The following CMPK2 variants were observed in gnomAD, a reference collection of about 807,000 sequenced individuals.
The protein encoded by CMPK2 is cytidine/uridine monophosphate kinase 2, also known as UMP-CMP kinase 2, mitochondrial.
In CMPK2, 32 loss-of-function variants were observed where a neutral mutation model predicts 33.4. The ratio of observed to expected loss-of-function variants is 0.96; its 90% CI spans 0.72 to 1.29. The LOEUF is 1.29. CMPK2 is among the 50% of genes most tolerant of loss of function. CMPK2 has a pLI of 0.00. For missense variants in CMPK2, 672 were observed against 616.0 expected, an observed-to-expected ratio of 1.09 and a Z score of -0.96; for synonymous variants, 299 against 275.3, an observed-to-expected ratio of 1.09 and a Z score of -0.85.
At chr2:6,852,113 C>T (rs1437752401) in intron 3 of CMPK2, among the ~76,000 whole-genome samples, 1 of 152,194 alleles carries the variant, frequency 6.6e-6, no homozygotes. Context: ...ACTGTTTTCA[C>T]TTGAACTTGC....
At chr2:6,843,964 C>G (rs1184149148), downstream of CMPK2, among the ~76,000 whole-genome samples, 1 of 152,116 alleles carries the variant, frequency 6.6e-6, no homozygotes, top group Non-Finnish European at 1.5e-5. Flanking sequence ...GAAATTGAGC[C>G]CTAGGACCCA....
intron 3 of CMPK2, among the ~76,000 whole-genome samples, chr2:6,856,223 C>G (rs548131590): frequency 1.6e-4 from 25 of 152,310 alleles, no homozygotes; most frequent in African/African-American, 6.0e-4. Flanking sequence ...ATTTAGTTCA[C>G]AACAACACAG....
intron 3 of CMPK2, among the ~76,000 whole-genome samples, chr2:6,853,364 T>C (rs949735529): frequency 6.6e-6 from 1 of 152,172 alleles, no homozygotes; most frequent in East Asian, 1.9e-4. Flanking sequence ...AACTGTACAT[T>C]ATTCTGCCTG....
downstream of CMPK2, among the ~76,000 whole-genome samples, chr2:6,846,102 C>A (rs536237120): frequency 6.6e-6 from 1 of 152,292 alleles, no homozygotes; most frequent in South Asian, 2.1e-4. Context: ...TTCCTTTCCA[C>A]TAGGTGGCAT....
intron 3 of CMPK2, among the ~76,000 whole-genome samples, chr2:6,852,563 T>C (rs1369016396): frequency 6.6e-6 from 1 of 152,174 alleles, no homozygotes; most frequent in Non-Finnish European, 1.5e-5. Flanking sequence ...CTCAAAACCC[T>C]TTCTACGTGA....
rs1662640821 is a variant in CMPK2, at chr2:6,854,984, T to C, written c.993-3301A>G. 2.0e-5 allele frequency among the ~76,000 whole-genome samples: 3 copies of C among 152,020 alleles called. No homozygotes were observed. The South Asian group carries it at 6.2e-4, about 32-fold the overall frequency. ...ATAATGGACCTCGAAAGTCATACCC[T>C]ACTAGGAAAACCTTAGTCTTTCTCT... On this transcript the variant is annotated intron_variant, in intron 3 of 4. Transcript: ENST00000256722.
downstream of CMPK2, among the ~76,000 whole-genome samples, chr2:6,845,035 T>C (rs1662323513): frequency 6.6e-6 from 1 of 152,186 alleles, no homozygotes; most frequent in Non-Finnish European, 1.5e-5. Flanking sequence ...GTATCTTTTG[T>C]AGGCTTGTCT....
chr2:6,862,581 G>A (rs1662914578), intron 2 of CMPK2, among the ~76,000 whole-genome samples: 1 of 152,210 alleles, frequency 6.6e-6, no homozygotes, highest in Non-Finnish European at 1.5e-5. Context: ...GATTGATGGT[G>A]TTACAATTCC....
At chr2:6,842,920 G>C (rs918859770) in intron 3 of CMPK2, among the ~76,000 whole-genome samples, 1 of 152,182 alleles carries the variant, frequency 6.6e-6, no homozygotes, top group Non-Finnish European at 1.5e-5. Context: ...AAGTTTGACA[G>C]AGCTGAACTT....
Position 6,840,718 on chromosome 2 carries a change from C to G in CMPK2, c.993-40G>C. The G allele has an allele frequency of 4.3e-6, 3 of 700,948 alleles. No homozygotes were observed. In the South Asian group the frequency reaches 4.5e-5, roughly 10 times the overall value. The allele number at this position is 700,948 out of a possible 1,614,324, so 43.4% of individuals were successfully genotyped here. ...AGAGAGGAAAAATCCTTCACCAGTACCAAGTCTCCTTGGTAGAACAGAGGT... is the reference window on the plus strand; with the variant it reads ...AGAGAGGAAAAATCCTTCACCAGTAGCAAGTCTCCTTGGTAGAACAGAGGT... On this transcript the variant is annotated intron_variant, in intron 3 of 3. Transcript: ENST00000458098.
At position 6,849,670 on chromosome 2, in the gene CMPK2, G is replaced by A. The variant is rs7572304; in HGVS notation, c.*180C>T. The A allele has an allele frequency of 2.9e-3, 4,161 of 1,439,172 alleles. 127 individuals are homozygous for A. In the African/African-American group the frequency reaches 0.055, roughly 19 times the overall value. The allele number at this position is 1,439,172 out of a possible 1,614,324, so 89.2% of individuals were successfully genotyped here. On this transcript the variant is annotated 3_prime_UTR_variant, in exon 5 of 5. Transcript: ENST00000256722. ...TGATGAGAGGGACCTTTGTGATGAC[G>A]GGTCCATCAGTCAGAAGAGGGTACG...
chr2:6,866,363 T>A (rs1663090311), upstream of CMPK2: 1 of 881,974 alleles, frequency 1.1e-6, no homozygotes, highest in African/African-American at 1.8e-5. Context: ...TTCCCTCTCC[T>A]GTATCTTATC....
intron 3 of CMPK2, among the ~76,000 whole-genome samples, chr2:6,857,205 T>C (rs141850842): frequency 8.0e-4 from 122 of 152,336 alleles, no homozygotes; most frequent in African/African-American, 2.7e-3. Context: ...ATTATAATCT[T>C]CTCATCCATT....
At chr2:6,853,774 C>T (rs1353658712) in intron 3 of CMPK2, among the ~76,000 whole-genome samples, 1 of 152,018 alleles carries the variant, frequency 6.6e-6, no homozygotes, top group Non-Finnish European at 1.5e-5. Context: ...TGGTGGCGGG[C>T]ACCTGTAGTC....
chr2:6,851,679 A>G lies in CMPK2; in HGVS notation c.997T>C (p.Trp333Arg), dbSNP rs1436872440. 6.2e-7 allele frequency: 1 copy of G among 1,614,044 alleles called. No individual in the cohort carries two copies. Residue 333 changes from tryptophan to arginine, a missense_variant, in exon 4 of 5, where the codon TGG becomes CGG. Physicochemically the swap from Trp to Arg is moderately radical, Grantham distance 101 (BLOSUM62 -3). Transcript: ENST00000256722. The part of the protein sequence containing the change: ...AKSPVIVDRY[W>R]HSTATYAIAT... ...ATGGCATAGGTGGCCGTGCTGTGCCAGTACCTGAGAAGGAATGGGGTAGTG... is the reference window on the plus strand; with the variant it reads ...ATGGCATAGGTGGCCGTGCTGTGCCGGTACCTGAGAAGGAATGGGGTAGTG...
chr2:6,851,600 A>G lies in CMPK2; in HGVS notation c.1076T>C (p.Val359Ala). 2 of 1,614,158 alleles carry G rather than the reference A, an allele frequency of 1.2e-6. No individual in the cohort carries two copies. Among genetic ancestry groups the G allele is most frequent in the East Asian group, 4.5e-5 (2 of 44,872 alleles). ...GAGCAGGTCCTCTGGCCACTGGTAC[A>G]CAGGGTGATGGGCTGGGGGCAGGTG... The part of the protein sequence containing the change: ...LQHLPPAHHP[V>A]YQWPEDLLKP... Residue 359 changes from valine to alanine, a missense_variant, in exon 4 of 5, where the codon GTG (valine) becomes GCG (alanine). By Grantham distance (64) the Val-to-Ala change is moderately conservative. Coordinates refer to ENST00000256722, the MANE Select transcript of CMPK2 (RefSeq NM_207315.4).
At chr2:6,842,295 C>A (rs888764467) in intron 3 of CMPK2, among the ~76,000 whole-genome samples, 99 of 152,292 alleles carry the variant, frequency 6.5e-4, no homozygotes, top group African/African-American at 2.3e-3. Flanking sequence ...AACTGAACTG[C>A]AGATCCCTCC....
chr2:6,852,984 C>T (rs893002589), intron 3 of CMPK2, among the ~76,000 whole-genome samples: 8 of 152,216 alleles, frequency 5.3e-5, no homozygotes, highest in African/African-American at 1.9e-4. Context: ...GAGTCTCACT[C>T]TGTTGCCCAG....
chr2:6,859,384 T>C (rs1662806649), intron 3 of CMPK2, among the ~76,000 whole-genome samples: 1 of 152,146 alleles, frequency 6.6e-6, no homozygotes, highest in South Asian at 2.1e-4. Flanking sequence ...GGGGAAAATG[T>C]CTCGAGGGCA....
Sources: allele counts gnomAD v4.1 joint callset (sites outside exome capture counted in the v4.1 genomes callset), GRCh38; gene constraint gnomAD v4.1.1; transcripts MANE v1.5; gene names NCBI Gene and HGNC (gene_info 2026-07-23, HGNC 2026-07-21).